Variants in IFT52 observed in about 807,000 individuals in gnomAD.
IFT52 encodes intraflagellar transport 52.
In IFT52, 44 loss-of-function variants were observed where a neutral mutation model predicts 54.4. The observed-to-expected ratio is 0.81, with a 90% CI of 0.63 to 1.04. The LOEUF (loss-of-function observed/expected upper bound fraction) is 1.04, where lower values mean the gene tolerates loss of function less well. IFT52 is among the 50% of genes least tolerant of loss of function. The pLI is 0.00. For missense variants in IFT52, 452 were observed against 523.6 expected, an observed-to-expected ratio of 0.86 and a Z score of 1.33; for synonymous variants, 181 against 185.3, an observed-to-expected ratio of 0.98 and a Z score of 0.19.
chr20:43,593,232 ACTT>A (rs1234324083), intron 1 of IFT52, among the ~76,000 whole-genome samples: 1 of 152,262 alleles, frequency 6.6e-6, no homozygotes, highest in Non-Finnish European at 1.5e-5. Flanking sequence ...TATCTCACTA[ACTT>A]CAAAGTGGAA....
rs568103414 is a variant in IFT52 at position 43,630,614 on chromosome 20, A to G, written c.924-5312A>G. On this transcript the variant is annotated intron_variant, in intron 10 of 13. Coordinates refer to ENST00000373030, the MANE Select transcript of IFT52 (RefSeq NM_016004.5). ...TCATTTGTCCATTGGGTGTTTATCA[A>G]TGCCTGTGGAGTATGAGGTAGAGGC... Among the ~76,000 whole-genome samples the G allele has an allele frequency of 1.1e-4, 17 of 152,312 alleles. No individual in the cohort carries two copies. The South Asian group carries it at 3.5e-3, about 32-fold the overall frequency.
At chr20:43,644,976 C>A (rs1986123760) in intron 13 of IFT52, among the ~76,000 whole-genome samples, 1 of 52,248 alleles carries the variant, frequency 1.9e-5, no homozygotes, top group Non-Finnish European at 4.4e-5. Flanking sequence ...GTGTGGTGGC[C>A]CGTGCCTGTA....
intron 2 of IFT52, 92 bp from the exon 3 acceptor site, chr20:43,596,343 G>A: frequency 1.3e-6 from 1 of 749,052 alleles, no homozygotes; most frequent in Non-Finnish European, 2.2e-6. Flanking sequence ...AGCCTCTGTG[G>A]CCTCTGCTTC....
intron 1 of IFT52, among the ~76,000 whole-genome samples, chr20:43,593,201 A>C (rs1450556064): frequency 6.6e-6 from 1 of 152,228 alleles, no homozygotes; most frequent in Non-Finnish European, 1.5e-5. Flanking sequence ...CAAGTGGCAA[A>C]AATCTATAGC....
rs532320841 is a variant in IFT52 at position 43,596,073 on chromosome 20, T to C, written c.120-362T>C. On this transcript the variant is annotated intron_variant, in intron 2 of 13. Coordinates refer to ENST00000373030, the MANE Select transcript of IFT52 (RefSeq NM_016004.5). ...AGGTCAGTACTAGGGAAAGGAAACA[T>C]GAGAATTAAATGAGAATAACTTTGT... Among the ~76,000 whole-genome samples, 16 of 151,860 alleles carry C rather than the reference T, an allele frequency of 1.1e-4. No individual in the cohort carries two copies. The East Asian group carries it at 3.1e-3, about 29-fold the overall frequency.
chr20:43,594,026 C>T (rs1400561077), intron 1 of IFT52, among the ~76,000 whole-genome samples: 6 of 152,166 alleles, frequency 3.9e-5, no homozygotes, highest in Admixed American at 2.0e-4. Flanking sequence ...AAAAGAATCT[C>T]GAGCTGGGTG....
At chr20:43,624,735 G>A (rs1320708088) in intron 10 of IFT52, among the ~76,000 whole-genome samples, 2 of 152,150 alleles carry the variant, frequency 1.3e-5, no homozygotes, top group Non-Finnish European at 1.5e-5. Context: ...AAAGGAGGAG[G>A]AAATGACACA....
At chr20:43,595,045 G>C in intron 2 of IFT52, among the ~76,000 whole-genome samples, 1 of 151,852 alleles carries the variant, frequency 6.6e-6, no homozygotes, top group African/African-American at 2.4e-5. Flanking sequence ...GGCCGGCACG[G>C]TGGCTGACAC....
chr20:43,596,899 C>T (rs753112988), intron 3 of IFT52, among the ~76,000 whole-genome samples: 9 of 151,458 alleles, frequency 5.9e-5, no homozygotes, highest in Non-Finnish European at 1.2e-4. Flanking sequence ...CCCACCACCA[C>T]GCCCGGCTAA....
At chr20:43,617,033 T>C (rs982108066) in intron 7 of IFT52, among the ~76,000 whole-genome samples, 1 of 152,050 alleles carries the variant, frequency 6.6e-6, no homozygotes, top group Non-Finnish European at 1.5e-5. Flanking sequence ...AAAAAAATTA[T>C]AGTATACTTT....
At chr20:43,604,291 A>G (rs1399032931) in intron 5 of IFT52, 33 bp downstream of exon 5, 2 of 1,503,388 alleles carry the variant, frequency 1.3e-6, no homozygotes, top group African/African-American at 1.4e-5. Context: ...TATCTTGGCA[A>G]GGCATCGTCG....
At chr20:43,617,784 C>T (rs1983971928) in intron 7 of IFT52, among the ~76,000 whole-genome samples, 1 of 150,720 alleles carries the variant, frequency 6.6e-6, no homozygotes, top group South Asian at 2.1e-4. Flanking sequence ...ACTCTGTTGC[C>T]CAGGCTGGAG....
chr20:43,635,708 A>G (rs535003141), intron 10 of IFT52, among the ~76,000 whole-genome samples: 75 of 152,280 alleles, frequency 4.9e-4, no homozygotes, highest in South Asian at 1.7e-3. Flanking sequence ...GCTATTGTGA[A>G]TAGTGCTGCA....
intron 12 of IFT52, among the ~76,000 whole-genome samples, chr20:43,637,748 T>G (rs1985643691): frequency 6.6e-6 from 1 of 152,196 alleles, no homozygotes; most frequent in Non-Finnish European, 1.5e-5. Context: ...CGAGGCTATT[T>G]AGTTCAGTGA....
At chr20:43,640,653 G>T (rs1480465807) in intron 12 of IFT52, among the ~76,000 whole-genome samples, 1 of 152,128 alleles carries the variant, frequency 6.6e-6, no homozygotes, top group Non-Finnish European at 1.5e-5. Flanking sequence ...GTAGAACTAG[G>T]ATGAAACATT....
intron 1 of IFT52, 104 bp from the exon 2 acceptor site, chr20:43,594,589 A>G: frequency 8.9e-6 from 6 of 677,396 alleles, no homozygotes; most frequent in East Asian, 2.5e-5. Context: ...TTTCAGTTGT[A>G]TACCCTTTCT....
At chr20:43,593,742 T>A (rs893956104) in intron 1 of IFT52, among the ~76,000 whole-genome samples, 2 of 152,078 alleles carry the variant, frequency 1.3e-5, no homozygotes, top group Admixed American at 6.5e-5. Flanking sequence ...GCTAATTTTT[T>A]TTGTAGAGAT....
At chr20:43,594,227 G>C (rs1981752888) in intron 1 of IFT52, among the ~76,000 whole-genome samples, 1 of 152,146 alleles carries the variant, frequency 6.6e-6, no homozygotes, top group Non-Finnish European at 1.5e-5. Flanking sequence ...AGAATCGCTT[G>C]AACCCGGGAG....
intron 10 of IFT52, among the ~76,000 whole-genome samples, chr20:43,631,124 C>T (rs1343607681): frequency 6.6e-6 from 1 of 152,194 alleles, no homozygotes; most frequent in East Asian, 1.9e-4. Context: ...AGATTGGCTA[C>T]GTCTGAGTTC....
Sources: allele counts gnomAD v4.1 joint callset (sites outside exome capture counted in the v4.1 genomes callset), GRCh38; gene constraint gnomAD v4.1.1; transcripts MANE v1.5; gene names NCBI Gene and HGNC (gene_info 2026-07-23, HGNC 2026-07-21).